The following AFF3 variants were observed in gnomAD, a reference collection of about 807,000 sequenced individuals.
AFF3 encodes AF4/FMR2 family member 3.
In AFF3, 32 loss-of-function variants were observed where a neutral mutation model predicts 129.7. The ratio of observed to expected loss-of-function variants is 0.25; its 90% CI spans 0.19 to 0.33. AFF3 has a LOEUF of 0.33. Ranked by LOEUF, AFF3 falls within the 10% of genes least tolerant of loss-of-function variation. The pLI is 1.00. For synonymous variants in AFF3, 644 were observed against 635.4 expected (o/e 1.01, Z -0.20); for missense variants, 1,373 against 1,592.0 (o/e 0.86, Z 2.34).
chr2:100,093,035 G>C (rs1423298898), intron 4 of AFF3, among the ~76,000 whole-genome samples: 3 of 152,180 alleles, frequency 2.0e-5, no homozygotes, highest in African/African-American at 7.2e-5. Context: ...AAGTTACAAA[G>C]AGCAGCTTCA....
rs1454392847 is a variant in AFF3 at position 99,715,644 on chromosome 2, T to G, written c.1091+11433A>C. Among the ~76,000 whole-genome samples, 4 of 151,880 alleles carry G rather than the reference T, an allele frequency of 2.6e-5. No individual in the cohort carries two copies. The East Asian group carries it at 7.8e-4, about 30-fold the overall frequency. On this transcript the variant is annotated intron_variant, in intron 11 of 24. Coordinates refer to ENST00000672756, the MANE Select transcript of AFF3 (RefSeq NM_001386135.1). ...TCCGAGGAGTTCAACACTCTCTGTT[T>G]ATTTCTGATTTATGTAGGTCATTTC...
At chr2:99,648,389 A>T (rs750502186) in intron 13 of AFF3, among the ~76,000 whole-genome samples, 4 of 152,188 alleles carry the variant, frequency 2.6e-5, no homozygotes, top group Non-Finnish European at 5.9e-5. Context: ...ATAGGAAAGA[A>T]ATGACTATGT....
At chr2:99,594,347 G>T (rs972520660) in intron 14 of AFF3, 58 bp from the exon 15 acceptor site, 1 of 1,542,302 alleles carries the variant, frequency 6.5e-7, no homozygotes, top group Non-Finnish European at 8.7e-7. Context: ...TCACTTAAAA[G>T]GGGCCTGGCT....
intron 7 of AFF3, among the ~76,000 whole-genome samples, chr2:99,877,542 G>C (rs905947204): frequency 9.2e-5 from 14 of 152,172 alleles, no homozygotes; most frequent in African/African-American, 3.4e-4. Context: ...CCTCCTTTAT[G>C]ACGAGACTGT....
chr2:100,081,050 G>T (rs1689006307), intron 4 of AFF3, among the ~76,000 whole-genome samples: 1 of 151,916 alleles, frequency 6.6e-6, no homozygotes, highest in South Asian at 2.1e-4. Context: ...TCTGCTGGGG[G>T]CTGGAGCCAT....
At position 99,897,093 on chromosome 2, in the gene AFF3, C is replaced by G. The variant is rs1339926046; in HGVS notation, c.874-59569G>C. Among the ~76,000 whole-genome samples the G allele has an allele frequency of 2.0e-5, 3 of 151,968 alleles. No homozygotes were observed. In the East Asian group the frequency reaches 5.8e-4, roughly 29 times the overall value. On this transcript the variant is annotated intron_variant, in intron 7 of 24. Coordinates refer to ENST00000672756, the MANE Select transcript of AFF3 (RefSeq NM_001386135.1). ...TGTGAAGGCTTTTTAAAAAGCTGAA[C>G]AATAGTTGGTTACTTTATCTACTAA...
At position 100,006,878 on chromosome 2, in the gene AFF3, G is replaced by A. The variant is rs765055517; in HGVS notation, c.627C>T (p.Ser209=). ...GAGGAAAGTTCTGAACACAGTGTCCGCTGCTGCTGTGCTTGGCCGCCATGG... is the reference window on the plus strand; with the variant it reads ...GAGGAAAGTTCTGAACACAGTGTCCACTGCTGCTGTGCTTGGCCGCCATGG... ...PPAMAAKHSS[S]GHCVQNFPPS... The change falls in exon 7 of 25, where the codon AGC becomes AGT. Residue 209 remains serine, a synonymous_variant. Transcript: ENST00000672756. 1.5e-5 allele frequency: 25 copies of A among 1,614,048 alleles called. No homozygotes were observed. The Middle Eastern group carries it at 4.9e-4, about 32-fold the overall frequency.
intron 11 of AFF3, among the ~76,000 whole-genome samples, chr2:99,689,377 C>A (rs1248138466): frequency 3.9e-5 from 6 of 152,146 alleles, no homozygotes; most frequent in African/African-American, 9.7e-5. Flanking sequence ...TCGGCCTGGG[C>A]TGCCCTTCCT....
In AFF3 at chr2:100,007,595, C is replaced by T. The variant is rs149636602; in HGVS notation, c.175-135G>A. 3.1e-4 allele frequency: 252 copies of T among 807,312 alleles called. 3 individuals carry two copies. The East Asian group carries it at 6.2e-3, about 20-fold the overall frequency. The allele number at this position is 807,312 out of a possible 1,614,324, so 50.0% of individuals were successfully genotyped here. A position where few individuals can be genotyped will look rare whatever the true frequency, so the allele number is the denominator to read the frequency against. ...GAGAGCTGAGAGATGAAATCGAAAT[C>T]CTTATCGTCTCTGAAGATGTCTGTC... is the stretch of plus-strand genomic sequence containing the variant. On this transcript the variant is annotated intron_variant, in intron 5 of 24. Transcript: ENST00000672756.
chr2:100,019,246 G>A (rs1573140413), intron 4 of AFF3, among the ~76,000 whole-genome samples: 1 of 152,214 alleles, frequency 6.6e-6, no homozygotes, highest in Non-Finnish European at 1.5e-5. Context: ...TTTTCTCCCA[G>A]GACTACTAAG....
intron 13 of AFF3, among the ~76,000 whole-genome samples, chr2:99,643,749 GC>G (rs1684436361): frequency 6.6e-6 from 1 of 152,168 alleles, no homozygotes; most frequent in Non-Finnish European, 1.5e-5. Context: ...TCCCCACCTT[GC>G]TATGGACCAT....
intron 18 of AFF3, among the ~76,000 whole-genome samples, chr2:99,573,723 A>G (rs908146701): frequency 6.6e-6 from 1 of 152,126 alleles, no homozygotes; most frequent in Admixed American, 6.5e-5. Flanking sequence ...GTCTATAGTC[A>G]GTCTTTCCTC....
intron 8 of AFF3, among the ~76,000 whole-genome samples, chr2:99,810,717 G>GAT (rs754318368): frequency 6.6e-6 from 1 of 152,190 alleles, no homozygotes; most frequent in Non-Finnish European, 1.5e-5. Context: ...AAACAACACA[G>GAT]ATATATGATC....
intron 7 of AFF3, among the ~76,000 whole-genome samples, chr2:99,898,445 G>A (rs540440862): frequency 1.2e-3 from 183 of 152,242 alleles, no homozygotes; most frequent in African/African-American, 3.9e-3. Context: ...AGCTCTTGAT[G>A]CTGACCACAG....
chr2:100,124,831 T>A (rs1401008087), intron 2 of AFF3, among the ~76,000 whole-genome samples: 1 of 152,160 alleles, frequency 6.6e-6, no homozygotes, highest in African/African-American at 2.4e-5. Context: ...AGGTCATAAT[T>A]CATATATGAA....
rs573263285 is a variant in AFF3 at position 99,870,294 on chromosome 2, T to C, written c.874-32770A>G. 7.9e-5 allele frequency among the ~76,000 whole-genome samples: 12 copies of C among 152,322 alleles called. No homozygotes were observed. In the South Asian group the frequency reaches 2.5e-3, roughly 32 times the overall value. On this transcript the variant is annotated intron_variant, in intron 7 of 24. Coordinates refer to ENST00000672756, the MANE Select transcript of AFF3 (RefSeq NM_001386135.1). ...AATTACTCCTCTGAGATTGAGGCTG[T>C]AGTTGGCTATCTGGACAACCTGCAT...
chr2:100,036,947 T>C (rs1684969303), intron 4 of AFF3, among the ~76,000 whole-genome samples: 1 of 152,104 alleles, frequency 6.6e-6, no homozygotes, highest in Admixed American at 6.5e-5. Flanking sequence ...CAGACAGCTG[T>C]GCAGAGCGGC....
chr2:99,579,413 A>T (rs61168865), intron 17 of AFF3, among the ~76,000 whole-genome samples: 30,187 of 146,402 alleles, frequency 0.21, 3,392 homozygotes, highest in East Asian at 0.37. Flanking sequence ...CTCAAAAAAA[A>T]AAAAAAATAA....
chr2:99,648,937 T>TCTCTCTCTCTCTCTCTCTTTCG (rs1684976864), intron 13 of AFF3, among the ~76,000 whole-genome samples: 1 of 144,134 alleles, frequency 6.9e-6, no homozygotes, highest in Non-Finnish European at 1.5e-5. Context: ...TCTCTCTCTC[T>TCTCTCTCTCTCTCTCTCTTTCG]CCAATCTTAG....
Sources: gnomAD v4.1 joint callset for allele counts (sites outside exome capture counted in the v4.1 genomes callset) on GRCh38, gnomAD v4.1.1 for gene constraint, MANE v1.5 for transcripts, NCBI Gene and HGNC (gene_info 2026-07-23, HGNC 2026-07-21) for gene names.